The following CORO2B variants were observed in gnomAD, a reference collection of about 807,000 sequenced individuals.
The protein encoded by CORO2B is coronin 2B.
Under a neutral mutation model 58.8 loss-of-function variants are expected in CORO2B, and 26 were observed. That is an observed-to-expected ratio of 0.44 (90% CI 0.32 to 0.61). The LOEUF (loss-of-function observed/expected upper bound fraction) is 0.61, where lower values mean the gene tolerates loss of function less well. Among genes scored for constraint, CORO2B ranks in the 20% least tolerant of loss-of-function variants. The pLI, the probability that CORO2B is intolerant of heterozygous loss-of-function variation, is 0.04. For missense variants in CORO2B, 460 were observed against 645.1 expected, an observed-to-expected ratio of 0.71 and a Z score of 3.11; for synonymous variants, 242 against 253.8, an observed-to-expected ratio of 0.95 and a Z score of 0.44.
chr15:68,696,737 C>T (rs965781987), intron 3 of CORO2B, among the ~76,000 whole-genome samples: 2 of 152,110 alleles, frequency 1.3e-5, no homozygotes, highest in African/African-American at 4.8e-5. Context: ...CATCAGTACA[C>T]CAGCTTGGAA....
chr15:68,570,524 T>C, the CORO2B span, among the ~76,000 whole-genome samples: 4 of 152,190 alleles, frequency 2.6e-5, no homozygotes, highest in African/African-American at 9.7e-5. Flanking sequence ...ACTGAGGCAA[T>C]ATCAGAGGCT....
chr15:68,718,579 C>T (rs1001162065), intron 8 of CORO2B, 119 bp from the exon 9 acceptor site: 34 of 812,844 alleles, frequency 4.2e-5, no homozygotes, highest in Non-Finnish European at 5.0e-5. Flanking sequence ...CTGCATGGGC[C>T]GTTGCCTCCA....
intron 2 of CORO2B, 129 bp from the exon 3 acceptor site, chr15:68,695,011 A>G: frequency 1.5e-6 from 1 of 689,474 alleles, no homozygotes; most frequent in Non-Finnish European, 2.5e-6. Context: ...AAACAAAAAT[A>G]AAACACAGGT....
chr15:68,627,010 C>T (rs1243491484), intron 1 of CORO2B, among the ~76,000 whole-genome samples: 2 of 152,180 alleles, frequency 1.3e-5, no homozygotes, highest in Non-Finnish European at 2.9e-5. Flanking sequence ...GTTCAGCTCC[C>T]AGTCCCACCA....
chr15:68,684,403 G>C (rs1326264422), intron 2 of CORO2B, among the ~76,000 whole-genome samples: 2 of 152,240 alleles, frequency 1.3e-5, no homozygotes, highest in African/African-American at 4.8e-5. Flanking sequence ...AGACAAGTAA[G>C]TCTTGATTGG....
intron 2 of CORO2B, among the ~76,000 whole-genome samples, chr15:68,651,219 C>A (rs34830730): frequency 0.16 from 24,077 of 152,192 alleles, 2,374 homozygotes; most frequent in Non-Finnish European, 0.22. Flanking sequence ...GTATTGGAGC[C>A]AGCGCCGGCT....
At chr15:68,677,932 C>T (rs1019179862) in intron 2 of CORO2B, among the ~76,000 whole-genome samples, 5 of 152,182 alleles carry the variant, frequency 3.3e-5, no homozygotes, top group African/African-American at 1.2e-4. Flanking sequence ...AAAACATGAA[C>T]GTTGGCTGGA....
intron 2 of CORO2B, among the ~76,000 whole-genome samples, chr15:68,660,942 T>C (rs1901993757): frequency 6.6e-6 from 1 of 151,846 alleles, no homozygotes; most frequent in Non-Finnish European, 1.5e-5. Flanking sequence ...TGACAATCTT[T>C]TCCATACAGT....
At chr15:68,719,361 A>G in intron 10 of CORO2B, 52 bp from the exon 11 acceptor site, 4 of 1,607,246 alleles carry the variant, frequency 2.5e-6, no homozygotes, top group Non-Finnish European at 3.4e-6. Context: ...CTGGACCATC[A>G]CCTGACAGTC....
chr15:68,555,090 T>TTCAGGGGCA, the CORO2B span, among the ~76,000 whole-genome samples: 1 of 152,124 alleles, frequency 6.6e-6, no homozygotes, highest in Non-Finnish European at 1.5e-5. Context: ...TAGCTCACTC[T>TTCAGGGGCA]TCAGGGGCAC....
At chr15:68,561,362 T>C in the CORO2B span, among the ~76,000 whole-genome samples, 1 of 152,106 alleles carries the variant, frequency 6.6e-6, no homozygotes, top group Non-Finnish European at 1.5e-5. Context: ...CCGGTCCAGA[T>C]GGTCACCCAT....
the CORO2B span, among the ~76,000 whole-genome samples, chr15:68,548,969 T>A: frequency 2.6e-5 from 4 of 152,384 alleles, no homozygotes; most frequent in East Asian, 5.8e-4. Flanking sequence ...CAAATATCTT[T>A]AGCTTGTTAA....
rs138088700 is a variant in CORO2B at position 68,697,277 on chromosome 15, G to A, written c.333+2021G>A. 6.7e-4 allele frequency among the ~76,000 whole-genome samples: 102 copies of A among 152,274 alleles called. 1 individual carries two copies. The East Asian group carries it at 0.018, about 27-fold the overall frequency. ...GTATGACTACATTGATGGATAGAGA[G>A]ACGAATGAGTAAAATTGATGATGGA... On this transcript the variant is annotated intron_variant, in intron 3 of 11. Transcript: ENST00000261861.
intron 2 of CORO2B, among the ~76,000 whole-genome samples, chr15:68,657,087 T>C (rs1287002296): frequency 6.6e-6 from 1 of 152,220 alleles, no homozygotes; most frequent in African/African-American, 2.4e-5. Context: ...CACTGAATAA[T>C]TTTATTCAAA....
intron 11 of CORO2B, among the ~76,000 whole-genome samples, chr15:68,724,068 G>A (rs1442638038): frequency 6.6e-6 from 1 of 152,098 alleles, no homozygotes; most frequent in Non-Finnish European, 1.5e-5. Flanking sequence ...CGGGCGTGAT[G>A]GCACACACCT....
At chr15:68,533,526 G>A in the CORO2B span, among the ~76,000 whole-genome samples, 152 of 152,266 alleles carry the variant, frequency 1.0e-3, no homozygotes, top group African/African-American at 3.6e-3. Context: ...CAGACTGTGG[G>A]GCTAGATGCA....
intron 2 of CORO2B, among the ~76,000 whole-genome samples, chr15:68,671,153 G>A (rs1413401381): frequency 6.6e-6 from 1 of 152,156 alleles, no homozygotes; most frequent in Non-Finnish European, 1.5e-5. Context: ...AATGGCACAG[G>A]AAAAGGAACC....
intron 1 of CORO2B, among the ~76,000 whole-genome samples, chr15:68,585,905 G>A (rs1224329709): frequency 1.3e-5 from 2 of 152,208 alleles, no homozygotes; most frequent in African/African-American, 4.8e-5. Context: ...GCAGAACAAA[G>A]TATGACAGAG....
At chr15:68,525,192 G>A in the CORO2B span, among the ~76,000 whole-genome samples, 1 of 152,130 alleles carries the variant, frequency 6.6e-6, no homozygotes, top group African/African-American at 2.4e-5. Flanking sequence ...AGTTAATGGG[G>A]CTTATTATGG....
Sources: allele counts gnomAD v4.1 joint callset (sites outside exome capture counted in the v4.1 genomes callset), GRCh38; gene constraint gnomAD v4.1.1; transcripts MANE v1.5; gene names NCBI Gene and HGNC (gene_info 2026-07-23, HGNC 2026-07-21).